Variants in ANKRD28 observed in about 807,000 individuals in gnomAD.
ANKRD28 encodes the protein ankyrin repeat domain 28, also known as serine/threonine-protein phosphatase 6 regulatory ankyrin repeat subunit A.
ANKRD28 carries 44 observed loss-of-function variants against 126.5 expected under a neutral mutation model. That is an observed-to-expected ratio of 0.35 (90% CI 0.27 to 0.45). The LOEUF (loss-of-function observed/expected upper bound fraction) is 0.45. Ranked by LOEUF, ANKRD28 falls within the 20% of genes least tolerant of loss-of-function variation. The probability of loss-of-function intolerance (pLI) is 1.00; values close to 1 mark genes in which losing one functional copy is unlikely to be tolerated. For synonymous variants in ANKRD28, 442 were observed against 468.5 expected, an observed-to-expected ratio of 0.94 and a Z score of 0.73; for missense variants, 1,110 against 1,316.6, an observed-to-expected ratio of 0.84 and a Z score of 2.43.
intron 13 of ANKRD28, among the ~76,000 whole-genome samples, chr3:15,708,878 C>G (rs1338894045): frequency 1.3e-5 from 2 of 152,164 alleles, no homozygotes; most frequent in African/African-American, 2.4e-5. Flanking sequence ...CACACATTTT[C>G]TTCTGACATA....
intron 26 of ANKRD28, 122 bp from the exon 27 acceptor site, chr3:15,676,111 A>C (rs2066908975): frequency 4.7e-6 from 3 of 642,604 alleles, no homozygotes. Flanking sequence ...AAACTCGAGA[A>C]ACCTAGTCCT....
chr3:15,687,379 G>T (rs768959191), intron 18 of ANKRD28, among the ~76,000 whole-genome samples: 2 of 151,926 alleles, frequency 1.3e-5, no homozygotes, highest in African/African-American at 2.4e-5. Context: ...TCCATCTAAA[G>T]AATGCATGTG....
At chr3:15,749,101 GTT>G (rs869266246) in intron 4 of ANKRD28, among the ~76,000 whole-genome samples, 3 of 53,054 alleles carry the variant, frequency 5.7e-5, no homozygotes, top group Non-Finnish European at 9.4e-5. Flanking sequence ...TTATGTTTTT[GTT>G]TTTTTTTTTT....
chr3:15,855,051 A>T (rs1198116350), intron 1 of ANKRD28, among the ~76,000 whole-genome samples: 1 of 152,006 alleles, frequency 6.6e-6, no homozygotes, highest in African/African-American at 2.4e-5. Flanking sequence ...CCGTCTCAAA[A>T]AACAAAAACA....
intron 1 of ANKRD28, among the ~76,000 whole-genome samples, chr3:15,809,117 T>C (rs1341691074): frequency 6.6e-6 from 1 of 152,144 alleles, no homozygotes; most frequent in Non-Finnish European, 1.5e-5. Context: ...TTAATAGTAA[T>C]GGCATCACCA....
chr3:15,698,774 A>G (rs1260119161), intron 14 of ANKRD28, among the ~76,000 whole-genome samples: 3 of 152,236 alleles, frequency 2.0e-5, no homozygotes, highest in Non-Finnish European at 4.4e-5. Context: ...TTCCATGCTC[A>G]TGGACAGGAA....
At chr3:15,672,924 T>C (rs572490420) in intron 27 of ANKRD28, among the ~76,000 whole-genome samples, 4 of 152,314 alleles carry the variant, frequency 2.6e-5, no homozygotes, top group Admixed American at 6.5e-5. Flanking sequence ...TACAGGCACA[T>C]GCCACCACAC....
chr3:15,673,439 C>T (rs1050013462), intron 27 of ANKRD28, among the ~76,000 whole-genome samples: 1 of 152,208 alleles, frequency 6.6e-6, no homozygotes, highest in African/African-American at 2.4e-5. Flanking sequence ...AAGAATATAT[C>T]AGTGAATGCA....
At chr3:15,711,426 G>T (rs762357007) in intron 11 of ANKRD28, among the ~76,000 whole-genome samples, 152 bp from the exon 12 acceptor site, 3 of 152,106 alleles carry the variant, frequency 2.0e-5, no homozygotes, top group Non-Finnish European at 4.4e-5. Flanking sequence ...AAGGCAATAG[G>T]ATACAATGGA....
intron 27 of ANKRD28, among the ~76,000 whole-genome samples, chr3:15,672,798 C>T (rs138650750): frequency 9.2e-5 from 14 of 152,268 alleles, no homozygotes; most frequent in East Asian, 5.8e-4. Context: ...TTTTTTGAGA[C>T]GAAGTCTGGC....
chr3:15,766,851 TGATA>T (rs148750902), intron 2 of ANKRD28, among the ~76,000 whole-genome samples: 6,209 of 152,268 alleles, frequency 0.041, 407 homozygotes, highest in African/African-American at 0.14. Context: ...CTTGTGCTGC[TGATA>T]TATATAGGAA....
rs137959895 is a variant in ANKRD28 at position 15,794,411 on chromosome 3, C to G, written c.201+812G>C. ...AAAACCACAATCATTTCTAGGTCAT[C>G]TGTTTTGGTGTTGCCACAGCGACTT... is the stretch of plus-strand genomic sequence containing the variant. On this transcript the variant is annotated intron_variant, in intron 2 of 27. Transcript: ENST00000683139. 3.6e-3 allele frequency among the ~76,000 whole-genome samples: 548 copies of G among 152,016 alleles called. 7 individuals are homozygous for G. Among genetic ancestry groups the G allele is most frequent in the African/African-American group, 0.013 (529 of 41,496 alleles).
chr3:15,700,503 C>T (rs1312491100), intron 14 of ANKRD28, among the ~76,000 whole-genome samples: 12 of 151,906 alleles, frequency 7.9e-5, no homozygotes, highest in Admixed American at 2.0e-4. Context: ...GGGCCGGGCG[C>T]GGTGGCTCAT....
intron 2 of ANKRD28, among the ~76,000 whole-genome samples, chr3:15,792,579 G>T (rs1176048108): frequency 2.6e-5 from 4 of 152,096 alleles, no homozygotes; most frequent in Non-Finnish European, 5.9e-5. Flanking sequence ...GGTAATGGGG[G>T]GTTGAGTGGG....
chr3:15,829,305 C>G (rs1575782904), intron 1 of ANKRD28, among the ~76,000 whole-genome samples: 2 of 152,106 alleles, frequency 1.3e-5, no homozygotes, highest in East Asian at 1.9e-4. Context: ...AATCTCACAG[C>G]TGCTTTTGCA....
Position 15,714,666 on chromosome 3 carries a change from G to A in ANKRD28, c.997-10C>T, listed in dbSNP as rs200819732. The A allele has an allele frequency of 9.4e-5, 148 of 1,572,764 alleles. No individual in the cohort carries two copies. The highest frequency in any genetic ancestry group is 1.1e-4 in the Non-Finnish European group (134 of 1,165,508). ...TTTTCCCATCTTTACTCTGGGGGGG[G>A]AAGAAAAAAATTACTCACTCTACTA... On this transcript the variant is annotated splice_polypyrimidine_tract_variant and intron_variant, in intron 8 of 27. Coordinates refer to ENST00000683139, the MANE Select transcript of ANKRD28 (RefSeq NM_001349278.2).
At chr3:15,762,737 A>C (rs946839096) in intron 3 of ANKRD28, among the ~76,000 whole-genome samples, 1 of 152,212 alleles carries the variant, frequency 6.6e-6, no homozygotes, top group Non-Finnish European at 1.5e-5. Context: ...GAACCAAAAA[A>C]GTGAAGGAAA....
intron 8 of ANKRD28, among the ~76,000 whole-genome samples, chr3:15,715,389 A>C (rs190856998): frequency 6.6e-6 from 1 of 152,342 alleles, no homozygotes. Flanking sequence ...AAGTATTCTA[A>C]GTTTATGCTA....
chr3:15,762,209 A>AAAAAAC (rs2058509114), intron 3 of ANKRD28, among the ~76,000 whole-genome samples: 1 of 43,682 alleles, frequency 2.3e-5, no homozygotes, highest in Non-Finnish European at 5.9e-5. Flanking sequence ...AAAAAAAAAA[A>AAAAAAC]AAAACAAAAC....
Sources: allele counts gnomAD v4.1 joint callset (sites outside exome capture counted in the v4.1 genomes callset), GRCh38; gene constraint gnomAD v4.1.1; transcripts MANE v1.5; gene names NCBI Gene and HGNC (gene_info 2026-07-23, HGNC 2026-07-21).